MAD1L1: variants seen among roughly 807,000 people sequenced by gnomAD.
MAD1L1 encodes the protein mitotic spindle assembly checkpoint protein MAD1.
MAD1L1 carries 95 observed loss-of-function variants against 96.9 expected under a neutral mutation model. The ratio of observed to expected loss-of-function variants is 0.98; its 90% CI spans 0.83 to 1.16. The LOEUF (loss-of-function observed/expected upper bound fraction) is 1.16, where lower values mean the gene tolerates loss of function less well. MAD1L1 is among the 50% of genes most tolerant of loss of function. MAD1L1 has a pLI of 0.00. For synonymous variants in MAD1L1, 473 were observed against 396.6 expected, an observed-to-expected ratio of 1.19 and a Z score of -2.29; for missense variants, 1,007 against 954.4, an observed-to-expected ratio of 1.06 and a Z score of -0.73.
intron 14 of MAD1L1, among the ~76,000 whole-genome samples, chr7:1,985,361 A>G (rs1781091358): frequency 6.6e-6 from 1 of 152,246 alleles, no homozygotes; most frequent in Admixed American, 6.5e-5. Flanking sequence ...TCAGGCCTGC[A>G]GAGCGGACTG....
rs541390261 is a variant in MAD1L1 at position 1,949,984 on chromosome 7, A to AG, written c.1596+7644dup. ...AAGTGCAAGACATGGCTTCAGTCCA[A>AG]GTGGCAGCAGCAGGGACAGGCTGGG... On this transcript the variant is annotated intron_variant, in intron 16 of 18. Coordinates refer to ENST00000265854, the MANE Select transcript of MAD1L1 (RefSeq NM_001013836.2). Among the ~76,000 whole-genome samples, 79 of 152,348 alleles carry AG rather than the reference A, an allele frequency of 5.2e-4. 2 individuals are homozygous for AG. In the East Asian group the frequency reaches 0.011, roughly 21 times the overall value.
At chr7:1,853,221 C>T (rs1341516339) in intron 18 of MAD1L1, among the ~76,000 whole-genome samples, 1 of 152,194 alleles carries the variant, frequency 6.6e-6, no homozygotes, top group Non-Finnish European at 1.5e-5. Context: ...ACAGCAGCGG[C>T]ACTGCTGACT....
intron 18 of MAD1L1, among the ~76,000 whole-genome samples, chr7:1,876,580 T>A (rs1785397384): frequency 6.6e-6 from 1 of 152,084 alleles, no homozygotes; most frequent in Non-Finnish European, 1.5e-5. Flanking sequence ...GAGGGTGGGA[T>A]GGGCTCACAG....
chr7:1,898,443 G>A, intron 17 of MAD1L1, 53 bp from the exon 18 acceptor site: 1 of 1,551,094 alleles, frequency 6.4e-7, no homozygotes, highest in Non-Finnish European at 8.8e-7. Context: ...CGGAGGGGTG[G>A]GGACCCGGGA....
intron 18 of MAD1L1, among the ~76,000 whole-genome samples, chr7:1,831,808 CAT>C (rs1407688890): frequency 1.3e-5 from 2 of 152,238 alleles, no homozygotes; most frequent in African/African-American, 4.8e-5. Flanking sequence ...GATGACAGCA[CAT>C]CTGTTCAAAC....
chr7:1,942,283 G>T (rs764296766), intron 16 of MAD1L1, among the ~76,000 whole-genome samples: 6 of 152,156 alleles, frequency 3.9e-5, no homozygotes, highest in Non-Finnish European at 8.8e-5. Context: ...CCAGAAGGAG[G>T]CCACGCCTGA....
At chr7:2,066,210 C>A (rs929940383) in intron 12 of MAD1L1, among the ~76,000 whole-genome samples, 2 of 152,218 alleles carry the variant, frequency 1.3e-5, no homozygotes, top group Admixed American at 6.5e-5. Flanking sequence ...CCCCACCAGC[C>A]GGAGGCTCGC....
At chr7:1,829,737 A>T (rs1782613148) in intron 18 of MAD1L1, 1 of 149,124 alleles carries the variant, frequency 6.7e-6, no homozygotes, top group South Asian at 2.2e-4. Flanking sequence ...AAAAAAAGGC[A>T]GGGGGAGGAA....
At chr7:1,884,976 T>C (rs1294822295) in intron 18 of MAD1L1, among the ~76,000 whole-genome samples, 1 of 152,186 alleles carries the variant, frequency 6.6e-6, no homozygotes, top group Non-Finnish European at 1.5e-5. Flanking sequence ...ATCTCAGCTT[T>C]AGAATCGGGG....
chr7:2,162,843 G>A lies in MAD1L1; in HGVS notation c.987-13605C>T, dbSNP rs569792550. Among the ~76,000 whole-genome samples, 14 of 149,738 alleles carry A rather than the reference G, an allele frequency of 9.3e-5. No homozygotes were observed. In the South Asian group the frequency reaches 2.9e-3, roughly 31 times the overall value. Reference sequence around the variant, plus strand: ...CTTTCAAGCTGCAAACTTTTTCTTCGAACATGAGTCCATTAATTGGAGTTT... The same window carrying A: ...CTTTCAAGCTGCAAACTTTTTCTTCAAACATGAGTCCATTAATTGGAGTTT... On this transcript the variant is annotated intron_variant, in intron 10 of 18. Transcript: ENST00000265854.
At chr7:2,218,090 G>A (rs181291824) in intron 6 of MAD1L1, 47 bp from the exon 7 acceptor site, 15 of 1,443,726 alleles carry the variant, frequency 1.0e-5, no homozygotes, top group Middle Eastern at 3.5e-4. Flanking sequence ...CATGCGGCAA[G>A]GCCAACAATT....
At chr7:2,153,622 C>T (rs1789686201) in intron 10 of MAD1L1, among the ~76,000 whole-genome samples, 1 of 152,304 alleles carries the variant, frequency 6.6e-6, no homozygotes, top group Admixed American at 6.5e-5. Flanking sequence ...AGTACCACCG[C>T]TATGGAACCC....
chr7:2,108,322 T>A (rs973103670), intron 11 of MAD1L1, among the ~76,000 whole-genome samples: 1 of 152,220 alleles, frequency 6.6e-6, no homozygotes, highest in African/African-American at 2.4e-5. Flanking sequence ...GGTTTTGGTT[T>A]AATTCATGTC....
At chr7:1,924,398 C>T (rs905342671) in intron 17 of MAD1L1, among the ~76,000 whole-genome samples, 9 of 152,132 alleles carry the variant, frequency 5.9e-5, no homozygotes, top group African/African-American at 9.7e-5. Context: ...CTCATCTGCA[C>T]GGAGGGGAAA....
chr7:2,190,797 G>C, intron 10 of MAD1L1, among the ~76,000 whole-genome samples: 1 of 152,216 alleles, frequency 6.6e-6, no homozygotes, highest in Non-Finnish European at 1.5e-5. Context: ...GGTGGCCAAT[G>C]AATGCATTCG....
chr7:2,010,070 G>GCTTTTTTTTTTTTTTTTTT (rs1782223482), intron 13 of MAD1L1, among the ~76,000 whole-genome samples: 1 of 89,794 alleles, frequency 1.1e-5, no homozygotes. Context: ...TTTTTAACAG[G>GCTTTTTTTTTTTTTTTTTT]TTTTTTTTTT....
intron 9 of MAD1L1, among the ~76,000 whole-genome samples, chr7:2,213,476 C>T (rs1793093456): frequency 6.6e-6 from 1 of 152,228 alleles, no homozygotes; most frequent in Non-Finnish European, 1.5e-5. Context: ...ACTGGCGCTT[C>T]CTGCCTCACT....
chr7:1,870,089 G>C (rs1784973066), intron 18 of MAD1L1, among the ~76,000 whole-genome samples: 1 of 152,128 alleles, frequency 6.6e-6, no homozygotes, highest in South Asian at 2.1e-4. Flanking sequence ...GACAGGGAGA[G>C]TGACTGACCC....
chr7:2,197,107 C>A (rs1195675181), intron 10 of MAD1L1, among the ~76,000 whole-genome samples: 1 of 152,226 alleles, frequency 6.6e-6, no homozygotes, highest in Non-Finnish European at 1.5e-5. Context: ...CAGGACAGAT[C>A]CCTGCCAACC....
Sources: gnomAD v4.1 joint callset for allele counts (sites outside exome capture counted in the v4.1 genomes callset) on GRCh38, gnomAD v4.1.1 for gene constraint, MANE v1.5 for transcripts, NCBI Gene and HGNC (gene_info 2026-07-23, HGNC 2026-07-21) for gene names.